The following PTPRT variants were observed in gnomAD, a reference collection of about 807,000 sequenced individuals.
PTPRT encodes the protein receptor-type tyrosine-protein phosphatase T.
A neutral mutation model predicts 176.8 loss-of-function variants in PTPRT; 56 were observed. That is an observed-to-expected ratio of 0.32 (90% confidence interval 0.26 to 0.40). PTPRT has a LOEUF of 0.40. PTPRT is among the 10% of genes least tolerant of loss of function. PTPRT has a pLI of 1.00. For missense variants in PTPRT, 1,540 were observed against 1,908.2 expected, an observed-to-expected ratio of 0.81 and a Z score of 3.60; for synonymous variants, 783 against 739.0, an observed-to-expected ratio of 1.06 and a Z score of -0.96.
intron 15 of PTPRT, among the ~76,000 whole-genome samples, chr20:42,200,879 C>G (rs1291179056): frequency 6.6e-6 from 1 of 152,204 alleles, no homozygotes; most frequent in Non-Finnish European, 1.5e-5. Context: ...TGTCTCAACA[C>G]ACAAAAAGGG....
chr20:42,921,331 G>T lies in PTPRT; in HGVS notation c.89-35399C>A, dbSNP rs149396754. Among the ~76,000 whole-genome samples, 333 of 152,272 alleles carry T rather than the reference G, an allele frequency of 2.2e-3. 1 individual carries two copies. The highest frequency in any genetic ancestry group is 7.7e-3 in the African/African-American group (319 of 41,556). On this transcript the variant is annotated intron_variant, in intron 1 of 30. Coordinates refer to ENST00000373187, the MANE Select transcript of PTPRT (RefSeq NM_007050.6). ...GGCCAGGAGTCCAAGACAAGCCTGG[G>T]CAACATAGTGAGATACCTACAGAAA...
the PTPRT span, among the ~76,000 whole-genome samples, chr20:42,046,653 C>T: frequency 1.3e-5 from 2 of 152,290 alleles, no homozygotes; most frequent in African/African-American, 2.4e-5. Context: ...TCTTTATCTC[C>T]CTCTATCAAT....
intron 2 of PTPRT, among the ~76,000 whole-genome samples, chr20:42,796,718 C>T (rs1270287879): frequency 6.6e-6 from 1 of 152,224 alleles, no homozygotes; most frequent in Non-Finnish European, 1.5e-5. Flanking sequence ...TATGTGCACA[C>T]ACGTTGGGCA....
chr20:42,795,564 G>A (rs1036668281), intron 2 of PTPRT, among the ~76,000 whole-genome samples: 1 of 152,174 alleles, frequency 6.6e-6, no homozygotes, highest in African/African-American at 2.4e-5. Flanking sequence ...GGCAGCTGAG[G>A]GCCTTGGGCA....
chr20:42,424,852 G>A (rs2059148658), intron 9 of PTPRT, among the ~76,000 whole-genome samples: 2 of 150,278 alleles, frequency 1.3e-5, no homozygotes, highest in Non-Finnish European at 3.0e-5. Context: ...TATGTAGGGA[G>A]ATGGTTCCAG....
chr20:42,238,016 C>A (rs940983615), intron 14 of PTPRT, among the ~76,000 whole-genome samples: 3 of 152,168 alleles, frequency 2.0e-5, no homozygotes, highest in Non-Finnish European at 4.4e-5. Context: ...TAGGAAATAT[C>A]CAAAACTCCC....
At chr20:42,871,067 C>T (rs2078837680) in intron 2 of PTPRT, among the ~76,000 whole-genome samples, 1 of 151,782 alleles carries the variant, frequency 6.6e-6, no homozygotes, top group South Asian at 2.1e-4. Flanking sequence ...TCTCCTGCCT[C>T]AGCCTCGTGA....
At chr20:42,096,275 C>T (rs558167607) in intron 27 of PTPRT, among the ~76,000 whole-genome samples, 2 of 152,126 alleles carry the variant, frequency 1.3e-5, no homozygotes, top group South Asian at 4.2e-4. Context: ...TATTCTTACC[C>T]TTTTTTTGCA....
In PTPRT at chr20:42,786,036, T is replaced by TCA. The variant is rs2077284857; in HGVS notation, c.486+5157_486+5158dup. Among the ~76,000 whole-genome samples, 3 of 152,296 alleles carry TCA rather than the reference T, an allele frequency of 2.0e-5. No individual in the cohort carries two copies. The East Asian group carries it at 5.8e-4, about 29-fold the overall frequency. On this transcript the variant is annotated intron_variant, in intron 3 of 30. Transcript: ENST00000373187. The stretch of plus-strand genomic sequence containing the variant: ...TGTTCTTGTGATACTGAATGAGTTA[T>TCA]CACAAGATCTGATGGTTTTATAAGT...
At chr20:42,890,228 T>C (rs2079169787) in intron 1 of PTPRT, among the ~76,000 whole-genome samples, 3 of 152,194 alleles carry the variant, frequency 2.0e-5, no homozygotes, top group African/African-American at 7.2e-5. Context: ...CACTCCCTAT[T>C]GGTCTGACTT....
chr20:42,524,379 C>T (rs957558324), intron 7 of PTPRT, among the ~76,000 whole-genome samples: 2 of 152,038 alleles, frequency 1.3e-5, no homozygotes, highest in African/African-American at 4.8e-5. Context: ...ATTACAATAC[C>T]TTTCTCTTAC....
At chr20:42,882,307 A>G (rs999037133) in intron 2 of PTPRT, among the ~76,000 whole-genome samples, 4 of 152,238 alleles carry the variant, frequency 2.6e-5, no homozygotes, top group Non-Finnish European at 5.9e-5. Flanking sequence ...GAATAATTTC[A>G]GTGATCATTA....
At chr20:42,038,981 A>T in the PTPRT span, among the ~76,000 whole-genome samples, 1 of 152,094 alleles carries the variant, frequency 6.6e-6, no homozygotes, top group Admixed American at 6.5e-5. Context: ...GATACTTCCT[A>T]TTCTTGCTTC....
At chr20:42,455,984 T>C (rs1266825795) in intron 8 of PTPRT, among the ~76,000 whole-genome samples, 1 of 152,092 alleles carries the variant, frequency 6.6e-6, no homozygotes, top group African/African-American at 2.4e-5. Flanking sequence ...TTTAGTTGCA[T>C]GTATTATAGA....
At chr20:42,674,232 A>G (rs570179489) in intron 7 of PTPRT, among the ~76,000 whole-genome samples, 6 of 152,196 alleles carry the variant, frequency 3.9e-5, no homozygotes, top group Non-Finnish European at 8.8e-5. Flanking sequence ...TTGATGACAC[A>G]TTTTGTAAAA....
intron 1 of PTPRT, among the ~76,000 whole-genome samples, chr20:43,009,672 G>A (rs1249802789): frequency 6.6e-6 from 1 of 152,200 alleles, no homozygotes; most frequent in African/African-American, 2.4e-5. Context: ...AGGCAGGAAA[G>A]TGACATGCTG....
At chr20:42,406,680 C>T (rs2058964142) in intron 9 of PTPRT, among the ~76,000 whole-genome samples, 1 of 151,844 alleles carries the variant, frequency 6.6e-6, no homozygotes, top group South Asian at 2.1e-4. Context: ...AAACAGGATA[C>T]AAATAATGCA....
intron 1 of PTPRT, among the ~76,000 whole-genome samples, chr20:42,886,409 A>G (rs909967709): frequency 1.6e-4 from 25 of 152,298 alleles, no homozygotes; most frequent in Admixed American, 1.0e-3. Flanking sequence ...TTCCTCACCT[A>G]TGATACGGAG....
At chr20:42,313,109 G>A (rs1255235005) in intron 12 of PTPRT, among the ~76,000 whole-genome samples, 1 of 152,084 alleles carries the variant, frequency 6.6e-6, no homozygotes, top group Non-Finnish European at 1.5e-5. Context: ...GGCCATGAGA[G>A]TGACCTCTGG....
Sources: gnomAD v4.1 joint callset for allele counts (sites outside exome capture counted in the v4.1 genomes callset) on GRCh38, gnomAD v4.1.1 for gene constraint, MANE v1.5 for transcripts, NCBI Gene and HGNC (gene_info 2026-07-23, HGNC 2026-07-21) for gene names.